IL11RA: variants seen among roughly 807,000 people sequenced by gnomAD.
IL11RA encodes the protein interleukin-11 receptor subunit alpha.
A neutral mutation model predicts 57.0 loss-of-function variants in IL11RA; 51 were observed. That is an observed-to-expected ratio of 0.89 (90% CI 0.71 to 1.13). The LOEUF is 1.13. Ranked by LOEUF, IL11RA falls within the 50% of genes most tolerant of loss-of-function variation. The pLI is 0.00. For missense variants in IL11RA, 498 were observed against 539.4 expected, an observed-to-expected ratio of 0.92 and a Z score of 0.76; for synonymous variants, 199 against 217.5, an observed-to-expected ratio of 0.91 and a Z score of 0.75.
chr9:34,657,690 C>A, intron 7 of IL11RA, 103 bp downstream of exon 7: 1 of 1,137,582 alleles, frequency 8.8e-7, no homozygotes, highest in Non-Finnish European at 1.3e-6. Flanking sequence ...CCAACCTAGA[C>A]TCCATTTCAC....
chr9:34,660,220 T>C (rs1821426149), intron 9 of IL11RA, 54 bp from the exon 10 acceptor site: 2 of 1,613,506 alleles, frequency 1.2e-6, no homozygotes, highest in African/African-American at 2.7e-5. Flanking sequence ...GCACAGGACG[T>C]GACCCCCGTC....
chr9:34,657,731 C>G, intron 7 of IL11RA, 144 bp downstream of exon 7: 1 of 809,566 alleles, frequency 1.2e-6, no homozygotes, highest in South Asian at 1.6e-5. Context: ...CCTGAGAAGG[C>G]AAAGGGATCA....
At chr9:34,654,836 G>T (rs1821311319) in intron 1 of IL11RA, among the ~76,000 whole-genome samples, 1 of 152,174 alleles carries the variant, frequency 6.6e-6, no homozygotes, top group African/African-American at 2.4e-5. Flanking sequence ...GACTGGAGGG[G>T]TTAATGGGAG....
Position 34,660,359 on chromosome 9 carries a change from A to G in IL11RA, c.1038A>G (p.Pro346=). Residue 346 remains proline (P), a synonymous_variant, in exon 10 of 13, where the codon CCA becomes CCG. Coordinates refer to ENST00000441545, the MANE Select transcript of IL11RA (RefSeq NM_001142784.3). Reference sequence around the variant, plus strand: ...CTCAGGTGGACAGCCCTGCTCCTCCAAGGCCCTCCCTCCAACCACACCCTC... The same window carrying G: ...CTCAGGTGGACAGCCCTGCTCCTCCGAGGCCCTCCCTCCAACCACACCCTC... ...VEPQVDSPAP[P]RPSLQPHPRL... 6.2e-7 allele frequency: 1 copy of G among 1,614,182 alleles called. No individual in the cohort carries two copies. Among genetic ancestry groups the G allele is most frequent in the South Asian group, 1.1e-5 (1 of 91,086 alleles).
chr9:34,658,643 G>A lies in IL11RA; in HGVS notation c.770G>A (p.Arg257His), dbSNP rs745960183. The part of the protein sequence containing the change: ...PCQPHFLLKF[R>H]LQYRPAQHPA... Reference sequence around the variant, plus strand: ...CAGCCCCACTTCCTGCTCAAGTTCCGTTTGCAGTACCGTCCGGCGCAGCAT... The same window carrying A: ...CAGCCCCACTTCCTGCTCAAGTTCCATTTGCAGTACCGTCCGGCGCAGCAT... The change falls in exon 8 of 13, where the codon CGT becomes CAT. Residue 257 changes from arginine to histidine, a missense_variant. By Grantham distance (29) the Arg-to-His change is conservative (BLOSUM62 0). Transcript: ENST00000441545. The surrounding 1 kb of genome is among the most constrained non-coding windows in gnomAD (Gnocchi z 4.0). The A allele has an allele frequency of 3.5e-5, 56 of 1,613,824 alleles. No homozygotes were observed. Among genetic ancestry groups the A allele is most frequent in the Admixed American group, 6.7e-5 (4 of 60,002 alleles).
Position 34,659,909 on chromosome 9 carries a change from C to A in IL11RA, c.952+9C>A, listed in dbSNP as rs1237417340. 20 of 1,613,734 alleles carry A rather than the reference C, an allele frequency of 1.2e-5. No individual in the cohort carries two copies. The highest frequency in any genetic ancestry group is 1.5e-5 in the Non-Finnish European group (18 of 1,179,870). ...GGGAACTCCGAGCACTGGTGAGAGA[C>A]AAAGCCAAAGAAAAGGGCAGAGGCC... On this transcript the variant is annotated intron_variant, in intron 9 of 12. Transcript: ENST00000441545.
rs1821462299 is a variant in IL11RA, at chr9:34,661,760, A to T, written c.*262A>T. ...ATGTGTGACCATGTGTCTGTGAGGC[A>T]GGGAACATGTATTCTCTGCATGCAT... On this transcript the variant is annotated 3_prime_UTR_variant, in exon 13 of 13. Coordinates refer to ENST00000441545, the MANE Select transcript of IL11RA (RefSeq NM_001142784.3). 9 of 674,118 alleles carry T rather than the reference A, an allele frequency of 1.3e-5. No individual in the cohort carries two copies. The highest frequency in any genetic ancestry group is 2.0e-5 in the Non-Finnish European group (8 of 401,370). The allele number at this position is 674,118 out of a possible 1,614,324, so 41.8% of individuals were successfully genotyped here. A position where few individuals can be genotyped will look rare whatever the true frequency, so the allele number is the denominator to read the frequency against.
In IL11RA at chr9:34,660,513, ACT is replaced by A. The variant is rs1442659867; in HGVS notation, c.1085_1086del (p.Ser362CysfsTer81). 2 of 1,613,972 alleles carry A rather than the reference ACT, an allele frequency of 1.2e-6. No homozygotes were observed. The highest frequency in any genetic ancestry group is 1.7e-6 in the Non-Finnish European group (2 of 1,179,926). ...TGGCCCTCCCCCTCAGATCACAGGG[ACT>A]CTGTGGAGCAGGTAGCTGTGCTGGC... On this transcript the variant is annotated frameshift_variant, in exon 11 of 13. Coordinates refer to ENST00000441545, the MANE Select transcript of IL11RA (RefSeq NM_001142784.3). LOFTEE classifies it high-confidence loss of function.
rs369997472 is a variant in IL11RA at position 34,657,490 on chromosome 9, C to A, written c.549C>A (p.His183Gln). 1 of 1,614,082 alleles carries A rather than the reference C, an allele frequency of 6.2e-7. No homozygotes were observed. The highest frequency in any genetic ancestry group is 8.5e-7 in the Non-Finnish European group (1 of 1,180,014). The part of the protein sequence containing the change: ...DPLGAARCVV[H>Q]GAEFWSQYRI... ...TAGGGGCTGCCCGCTGTGTTGTCCA[C>A]GGGGCTGAGTTCTGGAGCCAGTACC... The change falls in exon 7 of 13, where the codon CAC (histidine) becomes CAA (glutamine). Residue 183 changes from histidine to glutamine, a missense_variant. By Grantham distance (24) the His-to-Gln change is conservative. Transcript: ENST00000441545.
intron 1 of IL11RA, among the ~76,000 whole-genome samples, chr9:34,654,796 G>T (rs1485656624): frequency 6.6e-6 from 1 of 152,204 alleles, no homozygotes; most frequent in Non-Finnish European, 1.5e-5. Context: ...TGGACCAGGT[G>T]GGGGTAAATA....
At chr9:34,655,188 G>A (rs374271411) in intron 1 of IL11RA, 30 bp from the exon 2 acceptor site, 272 of 1,506,342 alleles carry the variant, frequency 1.8e-4, no homozygotes, top group Non-Finnish European at 2.4e-4. Context: ...CTCAGGGGTC[G>A]GGGATTTTTG....
At chr9:34,654,294 G>A (rs1039895830) in intron 1 of IL11RA, among the ~76,000 whole-genome samples, 2 of 151,862 alleles carry the variant, frequency 1.3e-5, no homozygotes, top group Non-Finnish European at 2.9e-5. Context: ...TTGAGTTTCC[G>A]CTGACCCCAA....
intron 2 of IL11RA, 66 bp from the exon 3 acceptor site, chr9:34,655,539 C>G (rs879825844): frequency 1.3e-5 from 19 of 1,436,304 alleles, no homozygotes; most frequent in Non-Finnish European, 1.8e-5. Flanking sequence ...TGCTTCTTAT[C>G]TGTCATTCTC....
At chr9:34,660,241 T>C (rs1181022614) in intron 9 of IL11RA, 33 bp from the exon 10 acceptor site, 4 of 1,614,092 alleles carry the variant, frequency 2.5e-6, no homozygotes, top group Non-Finnish European at 3.4e-6. Context: ...CCCACCAGCG[T>C]ATGGACACTT....
Position 34,658,455 on chromosome 9 carries a change from G to A in IL11RA, c.647-65G>A, listed in dbSNP as rs1821387779. 6.6e-7 allele frequency: 1 copy of A among 1,518,654 alleles called. No individual in the cohort carries two copies. The allele number at this position is 1,518,654 out of a possible 1,614,324, so 94.1% of individuals were successfully genotyped here. ...TAAGGCTCCTTTAAACACACACTTT[G>A]GGAAGTGGTGGGGAAGTGATGGAGA... On this transcript the variant is annotated intron_variant, in intron 7 of 12. Coordinates refer to ENST00000441545, the MANE Select transcript of IL11RA (RefSeq NM_001142784.3). This position sits in a 1 kb window ranked among gnomAD's most constrained non-coding sequence, Gnocchi z 4.0.
rs1485887682 is a variant in IL11RA at position 34,653,406 on chromosome 9, G to C, written c.-1+1173G>C. ...GGGCCCAAAGAATGGAGGGGGAGGTGAGAAATGGCTGGAACTTCCAGGGGA... is the reference window on the plus strand; with the variant it reads ...GGGCCCAAAGAATGGAGGGGGAGGTCAGAAATGGCTGGAACTTCCAGGGGA... On this transcript the variant is annotated intron_variant, in intron 1 of 12. Coordinates refer to ENST00000441545, the MANE Select transcript of IL11RA (RefSeq NM_001142784.3). The surrounding 1 kb of genome is among the most constrained non-coding windows in gnomAD (Gnocchi z 4.5). 1.3e-5 allele frequency among the ~76,000 whole-genome samples: 2 copies of C among 152,136 alleles called. No individual in the cohort carries two copies. The highest frequency in any genetic ancestry group is 4.8e-5 in the African/African-American group (2 of 41,422).
chr9:34,657,111 G>T lies in IL11RA; in HGVS notation c.408G>T (p.Gln136His), dbSNP rs779105192. The change falls in exon 5 of 13, where the codon CAG becomes CAT. Residue 136 changes from glutamine (Q) to histidine (H), a missense_variant. Coordinates refer to ENST00000441545, the MANE Select transcript of IL11RA (RefSeq NM_001142784.3). ...TCTCTTGCACTTGGAGTCCCAGCCA[G>T]ATCAGCGGTTTACCCACCCGCTACC... The part of the protein sequence containing the change: ...ENFSCTWSPS[Q>H]ISGLPTRYLT... The T allele has an allele frequency of 3.7e-6, 6 of 1,614,200 alleles. No individual in the cohort carries two copies. The highest frequency in any genetic ancestry group is 3.4e-6 in the Non-Finnish European group (4 of 1,180,040).
chr9:34,660,564 TG>T lies in IL11RA; in HGVS notation c.1136del (p.Gly379AspfsTer13). The part of the protein sequence containing the change: ...VLASLGILSF[L>X]GLVAGALALG... ...GCGTCTTTGGGAATCCTTTCTTTCC[TG>T]GGACTGGTGGCTGGGGCCCTGGCAC... is the stretch of plus-strand genomic sequence containing the variant. On this transcript the variant is annotated frameshift_variant, in exon 11 of 13. Transcript: ENST00000441545. LOFTEE classifies it high-confidence loss of function. 1 of 1,614,184 alleles carries T rather than the reference TG, an allele frequency of 6.2e-7. No individual in the cohort carries two copies. Among genetic ancestry groups the T allele is most frequent in the Middle Eastern group, 1.6e-4 (1 of 6,062 alleles).
At position 34,658,253 on chromosome 9, in the gene IL11RA, G is replaced by A. The variant is rs944454933; in HGVS notation, c.647-267G>A. Among the ~76,000 whole-genome samples, 1 of 152,034 alleles carries A rather than the reference G, an allele frequency of 6.6e-6. No individual in the cohort carries two copies. On this transcript the variant is annotated intron_variant, in intron 7 of 12. Transcript: ENST00000441545. This position sits in a 1 kb window ranked among gnomAD's most constrained non-coding sequence, Gnocchi z 4.0. ...GACAGGGTTTTGCTACGTTGCCCACGCTGGTCTCAAACTCGTGGCATCAAG... is the reference window on the plus strand; with the variant it reads ...GACAGGGTTTTGCTACGTTGCCCACACTGGTCTCAAACTCGTGGCATCAAG...
Sources: allele counts gnomAD v4.1 joint callset (sites outside exome capture counted in the v4.1 genomes callset), GRCh38; gene constraint gnomAD v4.1.1; non-coding constraint Gnocchi (gnomAD v3.1); transcripts MANE v1.5; gene names NCBI Gene and HGNC (gene_info 2026-07-23, HGNC 2026-07-21).